KHDRBS2: variants seen among roughly 807,000 people sequenced by gnomAD.
KHDRBS2 encodes the protein KH RNA binding domain containing, signal transduction associated 2.
KHDRBS2 carries 26 observed loss-of-function variants against 44.3 expected under a neutral mutation model. That is an observed-to-expected ratio of 0.59 (90% CI 0.43 to 0.81). KHDRBS2 has a LOEUF of 0.81. Among genes scored for constraint, KHDRBS2 ranks in the 40% least tolerant of loss-of-function variants. KHDRBS2 has a pLI of 0.00. For missense variants in KHDRBS2, 476 were observed against 433.1 expected, an observed-to-expected ratio of 1.10 and a Z score of -0.88; for synonymous variants, 194 against 151.1, an observed-to-expected ratio of 1.28 and a Z score of -2.08.
intron 4 of KHDRBS2, among the ~76,000 whole-genome samples, chr6:61,926,249 G>T (rs1429941161): frequency 6.6e-6 from 1 of 152,110 alleles, no homozygotes; most frequent in South Asian, 2.1e-4. Context: ...TGTGCAGGAA[G>T]TATTACTTTT....
At position 62,086,853 on chromosome 6, in the gene KHDRBS2, T is replaced by A. The variant is rs571423909; in HGVS notation, c.220-38859A>T. The stretch of plus-strand genomic sequence containing the variant: ...AGAGCAATGCAGCCACTATACCCTC[T>A]CCAAATTGACAGGCAGGGATCCATT... On this transcript the variant is annotated intron_variant, in intron 2 of 8. Coordinates refer to ENST00000281156, the MANE Select transcript of KHDRBS2 (RefSeq NM_152688.4). Among the ~76,000 whole-genome samples, 605 of 150,846 alleles carry A rather than the reference T, an allele frequency of 4.0e-3. 1 individual carries two copies. The highest frequency in any genetic ancestry group is 5.0e-3 in the Non-Finnish European group (340 of 67,850).
At chr6:61,798,962 G>A (rs1427449837) in intron 6 of KHDRBS2, among the ~76,000 whole-genome samples, 1 of 151,932 alleles carries the variant, frequency 6.6e-6, no homozygotes, top group Non-Finnish European at 1.5e-5. Flanking sequence ...CAATGATGAA[G>A]ACAGCCTTGA....
At chr6:61,649,914 C>G in the KHDRBS2 span, among the ~76,000 whole-genome samples, 16 of 152,272 alleles carry the variant, frequency 1.1e-4, 1 homozygote, top group East Asian at 2.5e-3. Flanking sequence ...ATGTAGAGAT[C>G]ATGCTAGCTC....
chr6:62,277,747 A>G (rs529170943), intron 1 of KHDRBS2, among the ~76,000 whole-genome samples: 1 of 152,252 alleles, frequency 6.6e-6, no homozygotes, highest in Non-Finnish European at 1.5e-5. Context: ...TATAACTAAA[A>G]TATAAGGTAA....
intron 2 of KHDRBS2, among the ~76,000 whole-genome samples, chr6:62,097,649 T>C (rs1800913655): frequency 6.6e-6 from 1 of 152,102 alleles, no homozygotes; most frequent in Non-Finnish European, 1.5e-5. Flanking sequence ...TGTATATATT[T>C]GGATCTTGTT....
At chr6:62,065,551 C>T (rs1307149857) in intron 2 of KHDRBS2, among the ~76,000 whole-genome samples, 4 of 145,478 alleles carry the variant, frequency 2.7e-5, no homozygotes, top group South Asian at 2.2e-4. Context: ...CCAAACACCG[C>T]ATATTCTCAC....
Position 61,697,244 on chromosome 6 carries a change from T to C in KHDRBS2, c.903A>G (p.Glu301=), listed in dbSNP as rs1768006114. The change falls in exon 8 of 9, where the codon GAA becomes GAG. Residue 301 remains glutamate (E), a synonymous_variant. Transcript: ENST00000281156. ...TTACTCCATGACCGTAGTCATAGTATTCAGGCACACTGCAACAAATTTAGA... is the reference window on the plus strand; with the variant it reads ...TTACTCCATGACCGTAGTCATAGTACTCAGGCACACTGCAACAAATTTAGA... ...SYATQTQSVP[E]YYDYGHGVSE... 1.1e-5 allele frequency: 18 copies of C among 1,605,888 alleles called. No homozygotes were observed. The highest frequency in any genetic ancestry group is 1.5e-5 in the Non-Finnish European group (18 of 1,172,684).
chr6:62,271,178 T>C (rs1840030922), intron 1 of KHDRBS2, among the ~76,000 whole-genome samples: 1 of 152,166 alleles, frequency 6.6e-6, no homozygotes, highest in Non-Finnish European at 1.5e-5. Flanking sequence ...TATGTATGTG[T>C]ATGTGTATAT....
At chr6:61,649,420 C>A in the KHDRBS2 span, among the ~76,000 whole-genome samples, 1 of 152,104 alleles carries the variant, frequency 6.6e-6, no homozygotes, top group South Asian at 2.1e-4. Context: ...GGCTTTTGGG[C>A]TAGTGGGTGT....
At chr6:61,597,730 T>TATATATATATATATATATATATATATA in the KHDRBS2 span, among the ~76,000 whole-genome samples, 4 of 31,388 alleles carry the variant, frequency 1.3e-4, no homozygotes, top group Non-Finnish European at 2.5e-4. Flanking sequence ...ATTTTGCACC[T>TATATATATATATATATATATATATATA]TTTATATATA....
At chr6:61,793,469 A>G (rs1198673708) in intron 6 of KHDRBS2, among the ~76,000 whole-genome samples, 2 of 152,010 alleles carry the variant, frequency 1.3e-5, no homozygotes, top group African/African-American at 4.8e-5. Flanking sequence ...AAAAATATAA[A>G]CAGGAACTTA....
At chr6:61,732,549 G>T in intron 7 of KHDRBS2, 133 bp downstream of exon 7, 3 of 643,336 alleles carry the variant, frequency 4.7e-6, no homozygotes, top group Non-Finnish European at 8.4e-6. Context: ...TAAGCAACTT[G>T]ATAATTCAGA....
chr6:61,771,526 G>T (rs1169953939), intron 6 of KHDRBS2, among the ~76,000 whole-genome samples: 1 of 152,054 alleles, frequency 6.6e-6, no homozygotes, highest in African/African-American at 2.4e-5. Flanking sequence ...AAAAAGGCAG[G>T]AGTTGCAATC....
At chr6:61,639,456 T>C in the KHDRBS2 span, among the ~76,000 whole-genome samples, 1 of 152,078 alleles carries the variant, frequency 6.6e-6, no homozygotes, top group Non-Finnish European at 1.5e-5. Flanking sequence ...GAGCTTTCTC[T>C]TTTTACCCTT....
At chr6:61,577,125 C>G in the KHDRBS2 span, among the ~76,000 whole-genome samples, 133 of 92,898 alleles carry the variant, frequency 1.4e-3, 1 homozygote, top group African/African-American at 5.3e-3. Flanking sequence ...CTCTAACACT[C>G]AGTTTTTGTT....
intron 2 of KHDRBS2, among the ~76,000 whole-genome samples, chr6:62,133,973 T>C (rs1343673592): frequency 1.3e-5 from 2 of 152,036 alleles, no homozygotes; most frequent in Non-Finnish European, 2.9e-5. Context: ...AAACAGAACA[T>C]AAAAGTTTGG....
chr6:61,895,759 C>A (rs1802818571), intron 5 of KHDRBS2, among the ~76,000 whole-genome samples: 1 of 152,036 alleles, frequency 6.6e-6, no homozygotes, highest in Non-Finnish European at 1.5e-5. Context: ...TCAGTGGGAA[C>A]ACTAAAGCTT....
chr6:62,115,682 G>A (rs12197036), intron 2 of KHDRBS2, among the ~76,000 whole-genome samples: 2,277 of 152,270 alleles, frequency 0.015, 33 homozygotes, highest in Non-Finnish European at 0.021. Context: ...CTAATTAACA[G>A]AGATCAAATT....
At chr6:61,573,819 G>A in the KHDRBS2 span, among the ~76,000 whole-genome samples, 1 of 150,352 alleles carries the variant, frequency 6.7e-6, no homozygotes, top group South Asian at 2.1e-4. Flanking sequence ...AAAAGTAAAA[G>A]AGCCTGCATA....
Sources: gnomAD v4.1 joint callset for allele counts (sites outside exome capture counted in the v4.1 genomes callset) on GRCh38, gnomAD v4.1.1 for gene constraint, MANE v1.5 for transcripts, NCBI Gene and HGNC (gene_info 2026-07-23, HGNC 2026-07-21) for gene names.